SMYD3: variants seen among roughly 807,000 people sequenced by gnomAD.
The protein encoded by SMYD3 is SET and MYND domain containing 3.
In SMYD3, 36 loss-of-function variants were observed where a neutral mutation model predicts 57.7. That is an observed-to-expected ratio of 0.62 (90% CI 0.48 to 0.82). The LOEUF is 0.82. SMYD3 is among the 40% of genes least tolerant of loss of function. The pLI is 0.00. For synonymous variants in SMYD3, 211 were observed against 195.0 expected (o/e 1.08, Z -0.68); for missense variants, 515 against 538.8 (o/e 0.96, Z 0.44).
chr1:245,903,009 A>C (rs1326281366), intron 8 of SMYD3, among the ~76,000 whole-genome samples: 1 of 152,220 alleles, frequency 6.6e-6, no homozygotes, highest in African/African-American at 2.4e-5. Flanking sequence ...AAGGAAATCT[A>C]TGATATGCTT....
At chr1:246,411,028 T>C (rs372503689) in intron 1 of SMYD3, among the ~76,000 whole-genome samples, 1 of 134,086 alleles carries the variant, frequency 7.5e-6, no homozygotes, top group Non-Finnish European at 1.6e-5. Context: ...CCCCTTTATT[T>C]TTTATTGCAT....
At chr1:246,491,133 C>G (rs945546262) in intron 1 of SMYD3, among the ~76,000 whole-genome samples, 1 of 152,100 alleles carries the variant, frequency 6.6e-6, no homozygotes. Flanking sequence ...TAAGTATGAC[C>G]GGTTCACAAG....
At chr1:246,047,414 G>T (rs2059988065) in intron 5 of SMYD3, among the ~76,000 whole-genome samples, 1 of 152,184 alleles carries the variant, frequency 6.6e-6, no homozygotes. Flanking sequence ...GTGGGGAAAA[G>T]AACCATTTGT....
chr1:246,230,277 C>T (rs2063390813), intron 5 of SMYD3, among the ~76,000 whole-genome samples: 1 of 152,102 alleles, frequency 6.6e-6, no homozygotes, highest in Non-Finnish European at 1.5e-5. Context: ...CTTTTTTTCA[C>T]ATGTAAAGAA....
chr1:245,789,532 C>G (rs1043743028), intron 10 of SMYD3, among the ~76,000 whole-genome samples: 3 of 152,084 alleles, frequency 2.0e-5, no homozygotes, highest in African/African-American at 7.2e-5. Context: ...GGGGATGACC[C>G]CCAAATTCTT....
rs1558485954 is a variant in SMYD3, at chr1:246,484,286, CACTA to C, written c.164+22764_164+22767del. On this transcript the variant is annotated intron_variant, in intron 1 of 11. Coordinates refer to ENST00000490107, the MANE Select transcript of SMYD3 (RefSeq NM_001167740.2). The stretch of plus-strand genomic sequence containing the variant: ...TTCAACCAAAATACCTAAACCACTG[CACTA>C]GTTACACCTAAAAACACATCACTTC... Among the ~76,000 whole-genome samples the C allele has an allele frequency of 1.6e-4, 8 of 49,118 alleles. 1 individual carries two copies. The highest frequency in any genetic ancestry group is 3.3e-4 in the Admixed American group (1 of 3,026). The allele number at this position is 49,118 out of a possible 152,430, so 32.2% of individuals were successfully genotyped here.
chr1:245,820,565 G>C (rs557522265), intron 10 of SMYD3, among the ~76,000 whole-genome samples: 2 of 151,984 alleles, frequency 1.3e-5, no homozygotes, highest in African/African-American at 2.4e-5. Context: ...GCAGGAGAAG[G>C]AAATAAAGGG....
intron 5 of SMYD3, among the ~76,000 whole-genome samples, chr1:246,168,344 G>A (rs1306635574): frequency 6.6e-6 from 1 of 152,172 alleles, no homozygotes; most frequent in African/African-American, 2.4e-5. Flanking sequence ...AGGGTAGAAG[G>A]AACTTCAGGG....
chr1:246,205,571 C>A (rs2062986608), intron 5 of SMYD3, among the ~76,000 whole-genome samples: 1 of 152,184 alleles, frequency 6.6e-6, no homozygotes, highest in Non-Finnish European at 1.5e-5. Flanking sequence ...CCTGGAATCC[C>A]AGCACTTTGG....
At chr1:245,786,435 G>C (rs2047052038) in intron 10 of SMYD3, among the ~76,000 whole-genome samples, 1 of 152,082 alleles carries the variant, frequency 6.6e-6, no homozygotes, top group South Asian at 2.1e-4. Context: ...AGTTCCAAGA[G>C]GCGAGGTGAT....
chr1:245,935,405 C>T (rs545542568), intron 5 of SMYD3, among the ~76,000 whole-genome samples: 2 of 152,238 alleles, frequency 1.3e-5, no homozygotes, highest in Admixed American at 1.3e-4. Flanking sequence ...GAAAGATAAA[C>T]CTTGGTGAGG....
intron 1 of SMYD3, among the ~76,000 whole-genome samples, chr1:246,493,001 A>G (rs10924745): frequency 0.26 from 39,003 of 152,158 alleles, 5,247 homozygotes; most frequent in Middle Eastern, 0.38. Flanking sequence ...TTTGTGGGTG[A>G]TAAGAATTTT....
At chr1:246,265,971 A>G (rs12131185) in intron 5 of SMYD3, among the ~76,000 whole-genome samples, 24,087 of 152,140 alleles carry the variant, frequency 0.16, 2,707 homozygotes, top group East Asian at 0.54. Context: ...TTAACACTGA[A>G]GGTCCTTGTA....
At chr1:246,036,703 G>A (rs1254918114) in intron 5 of SMYD3, among the ~76,000 whole-genome samples, 5 of 138,626 alleles carry the variant, frequency 3.6e-5, no homozygotes, top group African/African-American at 1.4e-4. Flanking sequence ...ACAGGCGCCT[G>A]CCACTAAGCC....
intron 5 of SMYD3, among the ~76,000 whole-genome samples, chr1:246,103,778 T>A (rs2061063199): frequency 6.6e-6 from 1 of 152,194 alleles, no homozygotes; most frequent in Non-Finnish European, 1.5e-5. Context: ...CTTGCTTCAT[T>A]CTACCTTTCT....
chr1:246,101,294 AG>A (rs1391357587), intron 5 of SMYD3, among the ~76,000 whole-genome samples: 1 of 152,142 alleles, frequency 6.6e-6, no homozygotes, highest in Non-Finnish European at 1.5e-5. Flanking sequence ...CAAATATAAA[AG>A]TATCACATTC....
chr1:246,231,185 T>A (rs1447559493), intron 5 of SMYD3, among the ~76,000 whole-genome samples: 2 of 152,146 alleles, frequency 1.3e-5, no homozygotes, highest in Non-Finnish European at 2.9e-5. Flanking sequence ...TCTAAAACTA[T>A]CCATCATTCT....
At chr1:246,004,471 G>A (rs184965360) in intron 5 of SMYD3, among the ~76,000 whole-genome samples, 71 of 152,272 alleles carry the variant, frequency 4.7e-4, no homozygotes, top group African/African-American at 1.6e-3. Context: ...GGCCATAAAA[G>A]TTGTCCTGGT....
Position 246,327,130 on chromosome 1 carries a change from T to G in SMYD3, c.531+71A>C, listed in dbSNP as rs974284286. The G allele has an allele frequency of 1.9e-6, 3 of 1,592,606 alleles. No individual in the cohort carries two copies. The African/African-American group carries it at 4.1e-5, about 22-fold the overall frequency. ...TTCCTGTCAAGATTCTCGACATTTT[T>G]GTAACTAACAACAAAATAAGGAGCA... is the stretch of plus-strand genomic sequence containing the variant. On this transcript the variant is annotated intron_variant, in intron 5 of 11. Transcript: ENST00000490107.
Sources: allele counts gnomAD v4.1 joint callset (sites outside exome capture counted in the v4.1 genomes callset), GRCh38; gene constraint gnomAD v4.1.1; transcripts MANE v1.5; gene names NCBI Gene and HGNC (gene_info 2026-07-23, HGNC 2026-07-21).